NRG4: variants seen among roughly 807,000 people sequenced by gnomAD.
NRG4 encodes neuregulin 4, also known as pro-neuregulin-4, membrane-bound isoform.
In NRG4, 10 loss-of-function variants were observed where a neutral mutation model predicts 15.0. The ratio of observed to expected loss-of-function variants is 0.67; its 90% CI spans 0.41 to 1.13. NRG4 has a LOEUF of 1.13. Ranked by LOEUF, NRG4 falls within the 50% of genes most tolerant of loss-of-function variation. NRG4 has a pLI of 0.00. For synonymous variants in NRG4, 41 were observed against 50.1 expected (o/e 0.82, Z 0.77); for missense variants, 139 against 140.2 (o/e 0.99, Z 0.04).
upstream of NRG4, among the ~76,000 whole-genome samples, chr15:76,014,225 T>G (rs2141916929): frequency 6.6e-6 from 1 of 152,324 alleles, no homozygotes; most frequent in African/African-American, 2.4e-5. Flanking sequence ...TTAAGTTCCT[T>G]GTAGATTCTG....
intron 1 of NRG4, 132 bp downstream of exon 1, chr15:76,012,187 A>C (rs1414552015): frequency 6.6e-6 from 1 of 152,150 alleles, no homozygotes; most frequent in Non-Finnish European, 1.5e-5. Context: ...GCGAGCAAGC[A>C]ATCGAGAGAA....
chr15:75,947,525 G>C (rs1454605104), intron 5 of NRG4, among the ~76,000 whole-genome samples: 1 of 152,028 alleles, frequency 6.6e-6, no homozygotes, highest in Non-Finnish European at 1.5e-5. Flanking sequence ...TCTCTGTTTT[G>C]TGTCTCTTGT....
chr15:76,011,463 T>TA (rs889395302), intron 1 of NRG4, among the ~76,000 whole-genome samples, 177 bp from the exon 2 acceptor site: 3 of 152,112 alleles, frequency 2.0e-5, no homozygotes, highest in African/African-American at 7.2e-5. Context: ...TGCATTTCAG[T>TA]AAAAAATATG....
At chr15:76,051,569 T>C (rs536025965) in intron 4 of NRG4, among the ~76,000 whole-genome samples, 1 of 148,340 alleles carries the variant, frequency 6.7e-6, no homozygotes, top group South Asian at 2.1e-4. Flanking sequence ...AATCTTCTTT[T>C]TTTTTTTTTT....
intron 5 of NRG4, among the ~76,000 whole-genome samples, chr15:75,946,245 T>C (rs1173441001): frequency 6.6e-6 from 1 of 152,254 alleles, no homozygotes; most frequent in African/African-American, 2.4e-5. Flanking sequence ...CAGACCACAG[T>C]TGACTGTGGG....
chr15:76,053,110 G>C (rs1340598007), intron 2 of NRG4: 1 of 151,058 alleles, frequency 6.6e-6, no homozygotes, highest in East Asian at 1.9e-4. Context: ...CTCTAAATTA[G>C]AGACTTTGAT....
intron 5 of NRG4, among the ~76,000 whole-genome samples, chr15:76,021,246 C>T (rs1186046712): frequency 6.6e-6 from 1 of 152,178 alleles, no homozygotes; most frequent in East Asian, 1.9e-4. Flanking sequence ...GACTAAATAT[C>T]TTAAGTCCAC....
rs1367109725 is a variant in NRG4 at position 75,942,455 on chromosome 15, A to ACTAT, written c.*1179_*1182dup. The ACTAT allele has an allele frequency of 3.9e-5, 6 of 152,328 alleles. No homozygotes were observed. The East Asian group carries it at 7.7e-4, about 20-fold the overall frequency. 9.4% of individuals were successfully genotyped at this position (152,328 alleles called of 1,614,324 possible). A position where few individuals can be genotyped will look rare whatever the true frequency, so the allele number is the denominator to read the frequency against. On this transcript the variant is annotated 3_prime_UTR_variant, in exon 6 of 6. Coordinates refer to ENST00000394907, the MANE Select transcript of NRG4 (RefSeq NM_138573.4). ...GGGGGGAAGCATAGGGGAACTCTATACTATCTGCTCAGTTTTTCTGAAAAT... is the reference window on the plus strand; with the variant it reads ...GGGGGGAAGCATAGGGGAACTCTATACTATCTATCTGCTCAGTTTTTCTGAAAAT...
At chr15:76,050,016 A>T (rs1369796313) in intron 4 of NRG4, among the ~76,000 whole-genome samples, 1 of 151,178 alleles carries the variant, frequency 6.6e-6, no homozygotes, top group African/African-American at 2.5e-5. Context: ...TGGATAAGAC[A>T]TATGACTATT....
At chr15:76,011,839 C>T (rs764412308) in intron 1 of NRG4, among the ~76,000 whole-genome samples, 12 of 151,942 alleles carry the variant, frequency 7.9e-5, no homozygotes, top group Non-Finnish European at 1.5e-4. Flanking sequence ...ACATCTATCC[C>T]GGAACTTAAA....
chr15:76,040,651 T>G (rs925308595), intron 4 of NRG4, among the ~76,000 whole-genome samples: 1 of 152,138 alleles, frequency 6.6e-6, no homozygotes. Context: ...GGCATGGTGG[T>G]TCACACCTGT....
Position 75,941,970 on chromosome 15 carries a change from A to T in NRG4, c.*1668T>A, listed in dbSNP as rs2031031987. 8.1e-6 allele frequency: 1 copy of T among 123,506 alleles called. No homozygotes were observed. The highest frequency in any genetic ancestry group is 2.9e-5 in the African/African-American group (1 of 34,104). The allele number at this position is 123,506 out of a possible 1,614,324, so 7.7% of individuals were successfully genotyped here. ...AAAAAAAAAAAAAAAAATATGGCCT[A>T]GCTTTTTTTTTTTTTTTTAAAAAGG... is the stretch of plus-strand genomic sequence containing the variant. On this transcript the variant is annotated 3_prime_UTR_variant, in exon 6 of 6. Transcript: ENST00000394907.
intron 3 of NRG4, among the ~76,000 whole-genome samples, chr15:76,007,017 T>C (rs1286808191): frequency 6.6e-6 from 1 of 152,122 alleles, no homozygotes; most frequent in African/African-American, 2.4e-5. Context: ...AAAACACCTA[T>C]AGGTTACAGA....
intron 4 of NRG4, among the ~76,000 whole-genome samples, chr15:76,043,156 T>A (rs2035786518): frequency 6.6e-6 from 1 of 152,142 alleles, no homozygotes; most frequent in Non-Finnish European, 1.5e-5. Flanking sequence ...TAATTCAACA[T>A]AATAAAAGCT....
intron 5 of NRG4, among the ~76,000 whole-genome samples, chr15:76,023,526 G>A (rs577215160): frequency 1.3e-4 from 20 of 152,270 alleles, no homozygotes; most frequent in African/African-American, 4.6e-4. Context: ...GAGCTGCTGG[G>A]AATTTATGCA....
intron 3 of NRG4, among the ~76,000 whole-genome samples, chr15:76,008,099 AT>A (rs1567107308): frequency 6.6e-6 from 1 of 152,182 alleles, no homozygotes; most frequent in East Asian, 1.9e-4. Context: ...AAATTAATCC[AT>A]TTTGCACTTT....
At chr15:75,937,651 C>G (rs1216017758), downstream of NRG4, 1 of 151,716 alleles carries the variant, frequency 6.6e-6, no homozygotes. Context: ...TTTAGTGGCT[C>G]TTGCCCGAGC....
downstream of NRG4, chr15:75,937,096 C>T (rs562538298): frequency 1.3e-5 from 2 of 151,952 alleles, no homozygotes; most frequent in African/African-American, 4.8e-5. Flanking sequence ...TAAACATACT[C>T]TATTCAAGGT....
At chr15:75,958,840 T>A (rs1196281801) in intron 4 of NRG4, among the ~76,000 whole-genome samples, 1 of 152,196 alleles carries the variant, frequency 6.6e-6, no homozygotes, top group Non-Finnish European at 1.5e-5. Context: ...TTAGAAGGTC[T>A]CCTTTCTGAA....
Sources: gnomAD v4.1 joint callset for allele counts (sites outside exome capture counted in the v4.1 genomes callset) on GRCh38, gnomAD v4.1.1 for gene constraint, MANE v1.5 for transcripts, NCBI Gene and HGNC (gene_info 2026-07-23, HGNC 2026-07-21) for gene names.